The following ESRRG variants were observed in gnomAD, a reference collection of about 807,000 sequenced individuals.
ESRRG encodes the protein estrogen related receptor gamma.
Under a neutral mutation model 44.0 loss-of-function variants are expected in ESRRG, and 13 were observed. The ratio of observed to expected loss-of-function variants is 0.30; its 90% CI spans 0.19 to 0.47. The LOEUF (loss-of-function observed/expected upper bound fraction) is 0.47. Among genes scored for constraint, ESRRG ranks in the 20% least tolerant of loss-of-function variants. The probability of loss-of-function intolerance (pLI) is 1.00; values close to 1 mark genes in which losing one functional copy is unlikely to be tolerated. For missense variants in ESRRG, 395 were observed against 580.6 expected (o/e 0.68, Z 3.29); for synonymous variants, 215 against 214.6 (o/e 1.00, Z -0.02).
intron 2 of ESRRG, among the ~76,000 whole-genome samples, chr1:216,919,303 A>G (rs2061549425): frequency 6.6e-6 from 1 of 152,188 alleles, no homozygotes; most frequent in African/African-American, 2.4e-5. Context: ...TTCCCTTCAT[A>G]GAGAAAATGT....
At chr1:217,038,094 A>C (rs2083228926) in intron 1 of ESRRG, among the ~76,000 whole-genome samples, 1 of 152,186 alleles carries the variant, frequency 6.6e-6, no homozygotes, top group East Asian at 1.9e-4. Flanking sequence ...TGCAAGGTAC[A>C]AGCTGTTGGT....
At chr1:216,648,859 A>C (rs1373586189) in intron 3 of ESRRG, among the ~76,000 whole-genome samples, 1 of 152,096 alleles carries the variant, frequency 6.6e-6, no homozygotes, top group Non-Finnish European at 1.5e-5. Context: ...ACTTGAAATC[A>C]CTCTTAATTC....
chr1:216,984,739 T>C (rs1890556), intron 1 of ESRRG, among the ~76,000 whole-genome samples: 129,985 of 152,110 alleles, frequency 0.85, 55,719 homozygotes, highest in East Asian at 1. Context: ...TAATCCTTGG[T>C]TATTCACAGA....
intron 2 of ESRRG, among the ~76,000 whole-genome samples, chr1:216,817,296 A>G (rs1342316174): frequency 6.6e-6 from 1 of 152,230 alleles, no homozygotes; most frequent in Non-Finnish European, 1.5e-5. Context: ...AGAATAGCCA[A>G]TGTATCATCT....
At chr1:217,113,822 T>G (rs2092687553) in intron 1 of ESRRG, among the ~76,000 whole-genome samples, 1 of 151,998 alleles carries the variant, frequency 6.6e-6, no homozygotes, top group Non-Finnish European at 1.5e-5. Context: ...AGACTTCATC[T>G]CTACAAAAAA....
At chr1:216,769,559 A>G (rs1397308642) in intron 2 of ESRRG, among the ~76,000 whole-genome samples, 1 of 152,162 alleles carries the variant, frequency 6.6e-6, no homozygotes, top group Non-Finnish European at 1.5e-5. Flanking sequence ...AGAACAATCT[A>G]GTGCATACAT....
At chr1:216,583,504 A>C (rs2149845175) in intron 3 of ESRRG, among the ~76,000 whole-genome samples, 1 of 152,326 alleles carries the variant, frequency 6.6e-6, no homozygotes, top group African/African-American at 2.4e-5. Context: ...TCATCAGTCA[A>C]GAAGGTTGCT....
chr1:216,899,851 G>T (rs1321497342), intron 2 of ESRRG, among the ~76,000 whole-genome samples: 2 of 152,134 alleles, frequency 1.3e-5, no homozygotes, highest in Non-Finnish European at 2.9e-5. Flanking sequence ...GGTGAGTCTG[G>T]CAGATGCTGG....
intron 1 of ESRRG, among the ~76,000 whole-genome samples, chr1:217,048,602 TC>T (rs1397898849): frequency 6.6e-6 from 1 of 152,022 alleles, no homozygotes; most frequent in Non-Finnish European, 1.5e-5. Context: ...CACAAGAAGC[TC>T]TTGCATCCCA....
intron 2 of ESRRG, among the ~76,000 whole-genome samples, chr1:216,874,790 G>A (rs2096322084): frequency 6.6e-6 from 1 of 152,172 alleles, no homozygotes. Flanking sequence ...CATCTAATCA[G>A]CTGCCAGCAC....
chr1:216,685,023 C>T (rs368288640), intron 1 of ESRRG, among the ~76,000 whole-genome samples: 15 of 152,288 alleles, frequency 9.8e-5, no homozygotes, highest in African/African-American at 3.6e-4. Context: ...GAAAAACAAG[C>T]ATTTTGTCTC....
chr1:217,053,460 C>T (rs2086474565), intron 1 of ESRRG, among the ~76,000 whole-genome samples: 1 of 62,478 alleles, frequency 1.6e-5, no homozygotes, highest in Non-Finnish European at 3.4e-5. Flanking sequence ...GTCCCAAAGC[C>T]AAAAAAAAGA....
At chr1:216,520,027 T>C (rs1371462761) in intron 5 of ESRRG, among the ~76,000 whole-genome samples, 1 of 152,104 alleles carries the variant, frequency 6.6e-6, no homozygotes, top group Non-Finnish European at 1.5e-5. Context: ...CTTTTAAAAT[T>C]AGTGATAATA....
chr1:216,768,150 G>A (rs1458111435), intron 2 of ESRRG, among the ~76,000 whole-genome samples: 1 of 152,048 alleles, frequency 6.6e-6, no homozygotes, highest in Non-Finnish European at 1.5e-5. Context: ...ACCAGACTAA[G>A]GCCATAGCTA....
At chr1:216,763,683 A>C (rs1048504572) in intron 2 of ESRRG, among the ~76,000 whole-genome samples, 1 of 152,134 alleles carries the variant, frequency 6.6e-6, no homozygotes, top group Non-Finnish European at 1.5e-5. Flanking sequence ...TGCAACATTA[A>C]GTTGTTAAAG....
At chr1:216,892,094 C>T (rs747113934) in intron 2 of ESRRG, among the ~76,000 whole-genome samples, 47 of 152,030 alleles carry the variant, frequency 3.1e-4, no homozygotes, top group Non-Finnish European at 5.4e-4. Flanking sequence ...CATGAGCCAC[C>T]GTGCCTGGCT....
At chr1:216,799,096 C>T (rs555062698) in intron 2 of ESRRG, among the ~76,000 whole-genome samples, 1 of 152,192 alleles carries the variant, frequency 6.6e-6, no homozygotes, top group East Asian at 1.9e-4. Flanking sequence ...AGACTATATG[C>T]TCTGATGTAT....
intron 2 of ESRRG, among the ~76,000 whole-genome samples, chr1:216,663,109 T>C (rs1338264419): frequency 1.3e-5 from 2 of 152,196 alleles, no homozygotes; most frequent in Non-Finnish European, 2.9e-5. Flanking sequence ...GATGGAAGAA[T>C]GAGTTGGAAA....
rs181364002 is a variant in ESRRG, at chr1:216,534,765, C to T, written c.863-15344G>A. ...TCATCTAGGAGGTTCGTTTGACAAC[C>T]GTAGGGGTACACTCCAGGGAACATC... On this transcript the variant is annotated intron_variant, in intron 5 of 6. Transcript: ENST00000408911. Among the ~76,000 whole-genome samples, 129 of 152,232 alleles carry T rather than the reference C, an allele frequency of 8.5e-4. No individual in the cohort carries two copies. In the East Asian group the frequency reaches 0.013, roughly 15 times the overall value.
Sources: gnomAD v4.1 joint callset for allele counts (sites outside exome capture counted in the v4.1 genomes callset) on GRCh38, gnomAD v4.1.1 for gene constraint, MANE v1.5 for transcripts, NCBI Gene and HGNC (gene_info 2026-07-23, HGNC 2026-07-21) for gene names.